The following MTFMT variants were observed in gnomAD, a reference collection of about 807,000 sequenced individuals.
MTFMT encodes methionyl-tRNA formyltransferase, mitochondrial.
Under a neutral mutation model 51.8 loss-of-function variants are expected in MTFMT, and 47 were observed. That is an observed-to-expected ratio of 0.91 (90% CI 0.72 to 1.16). The LOEUF (loss-of-function observed/expected upper bound fraction) is 1.16, where lower values mean the gene tolerates loss of function less well. Ranked by LOEUF, MTFMT falls within the 50% of genes most tolerant of loss-of-function variation. The probability of loss-of-function intolerance (pLI) is 0.00; values close to 1 mark genes in which losing one functional copy is unlikely to be tolerated. For missense variants in MTFMT, 512 were observed against 482.3 expected, an observed-to-expected ratio of 1.06 and a Z score of -0.58; for synonymous variants, 196 against 176.7, an observed-to-expected ratio of 1.11 and a Z score of -0.87.
At position 65,006,101 on chromosome 15, in the gene MTFMT, A is replaced by G. The variant is rs748458161; in HGVS notation, c.892+12T>C. The G allele has an allele frequency of 6.8e-6, 11 of 1,606,050 alleles. No homozygotes were observed. In the South Asian group the frequency reaches 1.1e-4, roughly 16 times the overall value. ...AAAACAGCTTCCATGTTAGCTATTC[A>G]AAAGTTAGTACCAGCAAGGACTGAA... On this transcript the variant is annotated intron_variant, in intron 7 of 8. Coordinates refer to ENST00000220058, the MANE Select transcript of MTFMT (RefSeq NM_139242.4).
chr15:65,023,661 A>G lies in MTFMT; in HGVS notation c.542+11T>C. The G allele has an allele frequency of 6.2e-7, 1 of 1,612,304 alleles. No individual in the cohort carries two copies. Among genetic ancestry groups the G allele is most frequent in the Non-Finnish European group, 8.5e-7 (1 of 1,178,862 alleles). On this transcript the variant is annotated intron_variant, in intron 3 of 8. Coordinates refer to ENST00000220058, the MANE Select transcript of MTFMT (RefSeq NM_139242.4). ...ATCACAAAAATCTCAAGAAAGGAAA[A>G]TATGTGCTACCTTTTAGGTCTAATT...
At chr15:65,007,126 C>T (rs1003589816) in intron 6 of MTFMT, among the ~76,000 whole-genome samples, 9 of 152,222 alleles carry the variant, frequency 5.9e-5, no homozygotes, top group Non-Finnish European at 1.3e-4. Context: ...AAGAGCCTGG[C>T]CTCTTCAGCT....
intron 2 of MTFMT, 101 bp downstream of exon 2, chr15:65,026,730 A>G (rs112094454): frequency 1.5e-5 from 14 of 932,708 alleles, no homozygotes; most frequent in African/African-American, 1.0e-4. Context: ...AAAAGAAAAT[A>G]TTACAGAAAG....
rs552214398 is a variant in MTFMT at position 65,002,847 on chromosome 15, C to T, written c.*215G>A. On this transcript the variant is annotated 3_prime_UTR_variant, in exon 9 of 9. Coordinates refer to ENST00000220058, the MANE Select transcript of MTFMT (RefSeq NM_139242.4). ...GTGTGGTGGCGTGTGCCTGTAATCC[C>T]AGCTACTCAGGAGGCTGAGGCAGGA... is the stretch of plus-strand genomic sequence containing the variant. 197 of 293,536 alleles carry T rather than the reference C, an allele frequency of 6.7e-4. 2 individuals carry two copies. The Middle Eastern group carries it at 8.1e-3, about 12-fold the overall frequency. 18.2% of individuals were successfully genotyped at this position (293,536 alleles called of 1,614,324 possible).
At chr15:65,004,426 CAAT>C (rs1014694619) in intron 8 of MTFMT, among the ~76,000 whole-genome samples, 4 of 152,242 alleles carry the variant, frequency 2.6e-5, no homozygotes, top group Admixed American at 6.5e-5. Flanking sequence ...TCTTATAAAA[CAAT>C]AATGATTCCA....
At chr15:65,022,129 C>T (rs1300066942) in intron 3 of MTFMT, among the ~76,000 whole-genome samples, 6 of 152,156 alleles carry the variant, frequency 3.9e-5, no homozygotes, top group African/African-American at 1.4e-4. Context: ...TAGTCCCTTC[C>T]TCAAAGGATA....
chr15:65,001,994 A>G lies in MTFMT; in HGVS notation c.*1068T>C, dbSNP rs938602530. On this transcript the variant is annotated 3_prime_UTR_variant, in exon 9 of 9. Coordinates refer to ENST00000220058, the MANE Select transcript of MTFMT (RefSeq NM_139242.4). Reference sequence around the variant, plus strand: ...TTAAATCTAGCTGGTAGTGAAATGTAAAGAGCTGGATTTACTACTTATAGG... The same window carrying G: ...TTAAATCTAGCTGGTAGTGAAATGTGAAGAGCTGGATTTACTACTTATAGG... 2.0e-5 allele frequency: 3 copies of G among 152,230 alleles called. No homozygotes were observed. The highest frequency in any genetic ancestry group is 7.2e-5 in the African/African-American group (3 of 41,466). 9.4% of individuals were successfully genotyped at this position (152,230 alleles called of 1,614,324 possible).
At chr15:65,012,422 GTCTCAC>G (rs201371734) in intron 6 of MTFMT, among the ~76,000 whole-genome samples, 2,527 of 152,150 alleles carry the variant, frequency 0.017, 27 homozygotes, top group Admixed American at 0.024. Context: ...TTGAGACAGA[GTCTCAC>G]TCTGTCACCC....
In MTFMT at chr15:65,020,198, G is replaced by GT. The variant is rs769826891; in HGVS notation, c.719dup (p.Tyr240Ter). Residue 240 changes from tyrosine to a stop codon, truncating the protein, a stop_gained and frameshift_variant and splice_region_variant, in exon 5 of 9, where the codon TAC (tyrosine) becomes TAAC (stop). Transcript: ENST00000220058. LOFTEE classifies it high-confidence loss of function. ...GRQQPMEGAT[Y>*]APKISAGTSC... is the part of the protein sequence containing the mutation. ...AGAGTCTCTGCAGCCTTCACTCACC[G>GT]TAAGTCGCCCCCTCCATTGGCTGCT... The GT allele has an allele frequency of 7.4e-6, 12 of 1,611,602 alleles. No homozygotes were observed. The highest frequency in any genetic ancestry group is 1.7e-5 in the Admixed American group (1 of 59,674).
chr15:65,021,403 C>T (rs2086373041), intron 4 of MTFMT, 111 bp downstream of exon 4: 2 of 746,546 alleles, frequency 2.7e-6, no homozygotes, highest in South Asian at 1.7e-5. Flanking sequence ...ATAGAAATTA[C>T]TCTTTTTTGT....
chr15:65,002,969 A>AAG lies in MTFMT; in HGVS notation c.*92_*93insCT, dbSNP rs2086188513. The AAG allele has an allele frequency of 3.2e-6, 3 of 935,240 alleles. No homozygotes were observed. Among genetic ancestry groups the AAG allele is most frequent in the Admixed American group, 7.1e-5 (2 of 28,230 alleles). 57.9% of individuals were successfully genotyped at this position (935,240 alleles called of 1,614,324 possible). A position where few individuals can be genotyped will look rare whatever the true frequency, so the allele number is the denominator to read the frequency against. ...CAGAGTGAGACTCTGTCTCAAAAAA[A>AAG]AAAAAAAAAAAAAAAGTCCAGATAA... On this transcript the variant is annotated 3_prime_UTR_variant, in exon 9 of 9. Transcript: ENST00000220058.
intron 5 of MTFMT, among the ~76,000 whole-genome samples, chr15:65,019,890 T>C (rs2086356608): frequency 1.3e-5 from 2 of 152,124 alleles, no homozygotes; most frequent in African/African-American, 2.4e-5. Flanking sequence ...AATAAATACA[T>C]AAAGAGAAAG....
intron 5 of MTFMT, 131 bp downstream of exon 5, chr15:65,020,066 G>T: frequency 1.3e-6 from 1 of 761,938 alleles, no homozygotes; most frequent in Non-Finnish European, 2.1e-6. Flanking sequence ...ACCATTCTTT[G>T]GAAAAGCACA....
intron 6 of MTFMT, among the ~76,000 whole-genome samples, chr15:65,008,750 C>T (rs1275606568): frequency 6.6e-6 from 1 of 152,214 alleles, no homozygotes; most frequent in Non-Finnish European, 1.5e-5. Context: ...TGCTAGCTCA[C>T]TTTTCTTTTG....
At position 65,004,387 on chromosome 15, in the gene MTFMT, T is replaced by C. The variant is rs183624059; in HGVS notation, c.975+467A>G. Among the ~76,000 whole-genome samples the C allele has an allele frequency of 2.7e-3, 405 of 152,034 alleles. 3 individuals are homozygous for C. The highest frequency in any genetic ancestry group is 9.4e-3 in the African/African-American group (391 of 41,496). On this transcript the variant is annotated intron_variant, in intron 8 of 8. Transcript: ENST00000220058. ...CAAAATACCTAGGAAATGGAAGGAA[T>C]GTAGAACACTTCTCAGAACACACCA...
chr15:65,023,619 G>A (rs1250740108), intron 3 of MTFMT, 53 bp downstream of exon 3: 40 of 1,588,890 alleles, frequency 2.5e-5, no homozygotes, highest in Non-Finnish European at 3.4e-5. Context: ...CAAACAGGCT[G>A]ACATCAACAT....
At chr15:65,015,326 G>A (rs1595890282) in intron 6 of MTFMT, among the ~76,000 whole-genome samples, 1 of 152,090 alleles carries the variant, frequency 6.6e-6, no homozygotes, top group African/African-American at 2.4e-5. Flanking sequence ...TTCAAAACCT[G>A]ACTCTGACTT....
At chr15:65,021,458 C>G (rs2086373387) in intron 4 of MTFMT, 56 bp downstream of exon 4, 1 of 1,282,516 alleles carries the variant, frequency 7.8e-7, no homozygotes, top group Non-Finnish European at 1.1e-6. Flanking sequence ...CTTTTTATAA[C>G]CACTTAGGAA....
chr15:65,007,689 C>A (rs994840616), intron 6 of MTFMT, among the ~76,000 whole-genome samples: 1 of 152,146 alleles, frequency 6.6e-6, no homozygotes, highest in Non-Finnish European at 1.5e-5. Flanking sequence ...TTATTATTAG[C>A]GAAGCTGAGA....
Sources: allele counts gnomAD v4.1 joint callset (sites outside exome capture counted in the v4.1 genomes callset), GRCh38; gene constraint gnomAD v4.1.1; transcripts MANE v1.5; gene names NCBI Gene and HGNC (gene_info 2026-07-23, HGNC 2026-07-21).